Variants in HDAC4 observed in about 807,000 individuals in gnomAD.
HDAC4 encodes the protein histone deacetylase 4.
A neutral mutation model predicts 135.1 loss-of-function variants in HDAC4; 16 were observed. That is an observed-to-expected ratio of 0.12 (90% CI 0.08 to 0.18). HDAC4 has a LOEUF of 0.18. Among genes scored for constraint, HDAC4 ranks in the 10% least tolerant of loss-of-function variants. The probability of loss-of-function intolerance (pLI) is 1.00; values close to 1 mark genes in which losing one functional copy is unlikely to be tolerated. For missense variants in HDAC4, 1,143 were observed against 1,511.8 expected, an observed-to-expected ratio of 0.76 and a Z score of 4.05; for synonymous variants, 685 against 653.4, an observed-to-expected ratio of 1.05 and a Z score of -0.74.
chr2:239,382,528 G>A (rs564189660), intron 1 of HDAC4, among the ~76,000 whole-genome samples: 1 of 152,312 alleles, frequency 6.6e-6, no homozygotes, highest in South Asian at 2.1e-4. Context: ...ACCACCCAGA[G>A]TGACCCAGAT....
chr2:239,132,248 A>G (rs1474070530), intron 11 of HDAC4, among the ~76,000 whole-genome samples: 2 of 152,198 alleles, frequency 1.3e-5, no homozygotes, highest in African/African-American at 4.8e-5. Flanking sequence ...AGATGGGAAA[A>G]CAAGGCACAC....
At position 239,279,357 on chromosome 2, in the gene HDAC4, T is replaced by C. The variant is rs547036485; in HGVS notation, c.23-42693A>G. 1.1e-4 allele frequency among the ~76,000 whole-genome samples: 17 copies of C among 152,334 alleles called. No homozygotes were observed. In the South Asian group the frequency reaches 3.5e-3, roughly 32 times the overall value. ...TGGCACCAGGCACTAAATTCACACT[T>C]GATCCCCTCAGCCTTATAATAAACT... On this transcript the variant is annotated intron_variant, in intron 2 of 26. Coordinates refer to ENST00000543185, the MANE Select transcript of HDAC4 (RefSeq NM_001378414.1).
At chr2:239,224,467 G>A (rs1431738839) in intron 3 of HDAC4, among the ~76,000 whole-genome samples, 2 of 152,080 alleles carry the variant, frequency 1.3e-5, no homozygotes, top group African/African-American at 2.4e-5. Flanking sequence ...TATGTCTCCC[G>A]CACCGCCCAC....
At chr2:239,374,649 C>T (rs376350421) in intron 1 of HDAC4, among the ~76,000 whole-genome samples, 1 of 151,714 alleles carries the variant, frequency 6.6e-6, no homozygotes, top group East Asian at 1.9e-4. Context: ...GTGATCCGCC[C>T]GCCTCGGCCT....
At chr2:239,119,316 A>G (rs1201952456) in intron 12 of HDAC4, among the ~76,000 whole-genome samples, 2 of 152,160 alleles carry the variant, frequency 1.3e-5, no homozygotes, top group Non-Finnish European at 2.9e-5. Context: ...GAGGAGCAGG[A>G]GGGATTCGGG....
chr2:239,227,189 A>G (rs1360477013), intron 3 of HDAC4, among the ~76,000 whole-genome samples: 2 of 152,136 alleles, frequency 1.3e-5, no homozygotes, highest in Admixed American at 1.3e-4. Context: ...GGAGAATGAA[A>G]TATCTGCTCA....
intron 22 of HDAC4, among the ~76,000 whole-genome samples, chr2:239,069,969 C>A (rs1022639203): frequency 6.6e-6 from 1 of 152,170 alleles, no homozygotes; most frequent in Middle Eastern, 3.2e-3. Context: ...CCTCCTTGGC[C>A]CCGTGCCCAC....
intron 1 of HDAC4, among the ~76,000 whole-genome samples, chr2:239,358,948 T>C (rs1441186702): frequency 6.6e-6 from 1 of 152,238 alleles, no homozygotes; most frequent in Non-Finnish European, 1.5e-5. Flanking sequence ...TGAGTGCATT[T>C]GTAAGAGAGT....
In HDAC4 at chr2:239,299,505, C is replaced by T. The variant is rs181578243; in HGVS notation, c.22+53173G>A. The stretch of plus-strand genomic sequence containing the variant: ...GAAGAGACATGCACACGAGGCAGGG[C>T]GAGTGGTGTTTATTACAGCTGTACA... On this transcript the variant is annotated intron_variant, in intron 2 of 26. Transcript: ENST00000543185. The surrounding 1 kb of genome is among the most constrained non-coding windows in gnomAD (Gnocchi z 4.0). Among the ~76,000 whole-genome samples the T allele has an allele frequency of 6.3e-4, 95 of 150,624 alleles. No homozygotes were observed. The highest frequency in any genetic ancestry group is 2.2e-3 in the African/African-American group (88 of 40,768).
Position 239,053,489 on chromosome 2 carries a change from C to G in HDAC4, c.3201G>C (p.Leu1067=). The G allele has an allele frequency of 6.2e-7, 1 of 1,613,592 alleles. No individual in the cohort carries two copies. The highest frequency in any genetic ancestry group is 8.5e-7 in the Non-Finnish European group (1 of 1,179,870). The part of the protein sequence containing the change: ...EAETVTAMAS[L]SVGVKPAEKR... ...TTTCGGCGGGCTTCACGCCCACGGA[C>G]AGCGAGGCCATGGCGGTGACCGTCT... is the stretch of plus-strand genomic sequence containing the variant. Residue 1067 remains leucine, a synonymous_variant, in exon 26 of 27, where the codon CTG becomes CTC. Coordinates refer to ENST00000543185, the MANE Select transcript of HDAC4 (RefSeq NM_001378414.1).
chr2:239,067,286 A>G (rs2033632448), intron 23 of HDAC4, among the ~76,000 whole-genome samples: 1 of 152,136 alleles, frequency 6.6e-6, no homozygotes, highest in Non-Finnish European at 1.5e-5. Context: ...TCCCACGTCC[A>G]GGTCTGAGCG....
intron 23 of HDAC4, among the ~76,000 whole-genome samples, chr2:239,067,404 C>T (rs542126931): frequency 2.0e-4 from 31 of 152,298 alleles, no homozygotes; most frequent in African/African-American, 7.2e-4. Context: ...CAGGCCAGGC[C>T]GGTGCTGATT....
At chr2:239,078,360 G>T (rs1185215783) in intron 22 of HDAC4, among the ~76,000 whole-genome samples, 1 of 152,174 alleles carries the variant, frequency 6.6e-6, no homozygotes, top group Non-Finnish European at 1.5e-5. Context: ...GCAGGCAACG[G>T]GTCTGAATAA....
At chr2:239,253,885 C>T (rs1051914129) in intron 2 of HDAC4, among the ~76,000 whole-genome samples, 4 of 152,056 alleles carry the variant, frequency 2.6e-5, no homozygotes, top group Admixed American at 2.6e-4. Flanking sequence ...GAGAGGTGGC[C>T]ATGAGCGTGG....
chr2:239,111,657 G>T lies in HDAC4; in HGVS notation c.1847C>A (p.Ser616Tyr). The T allele has an allele frequency of 1.9e-6, 3 of 1,606,232 alleles. No homozygotes were observed. The highest frequency in any genetic ancestry group is 2.5e-6 in the Non-Finnish European group (3 of 1,177,132). Residue 616 changes from serine (S) to tyrosine (Y), a missense_variant, in exon 14 of 27, where the codon TCC becomes TAC. This residue lies in a region of HDAC4 where 196 missense variants were observed against 210.7 expected (regional missense o/e 0.93). Transcript: ENST00000543185. The part of the protein sequence containing the change: ...RIHQLRNYQA[S>Y]MEAAGIPVSF... ...CACGGGGATGCCGGCGGCCTCCATG[G>T]ACGCCTGGTAGTTCCTCAGCTGGTG...
rs143339963 is a variant in HDAC4, at chr2:239,136,668, C to T, written c.979-2025G>A. Reference sequence around the variant, plus strand: ...ACAAGGGAGCAGTATCCAGAACATGCGGGAACTCCAGCAACTCACCAGCAA... The same window carrying T: ...ACAAGGGAGCAGTATCCAGAACATGTGGGAACTCCAGCAACTCACCAGCAA... On this transcript the variant is annotated intron_variant, in intron 9 of 26. Coordinates refer to ENST00000543185, the MANE Select transcript of HDAC4 (RefSeq NM_001378414.1). Among the ~76,000 whole-genome samples the T allele has an allele frequency of 1.7e-3, 259 of 152,312 alleles. 3 individuals carry two copies. Among genetic ancestry groups the T allele is most frequent in the African/African-American group, 5.9e-3 (244 of 41,558 alleles).
chr2:239,306,765 G>A lies in HDAC4; in HGVS notation c.22+45913C>T, dbSNP rs777101993. 5.9e-5 allele frequency among the ~76,000 whole-genome samples: 9 copies of A among 152,040 alleles called. No individual in the cohort carries two copies. Among genetic ancestry groups the A allele is most frequent in the Non-Finnish European group, 8.8e-5 (6 of 68,000 alleles). ...GGGTAGGGGGTGAATGCTAAGGGGC[G>A]AAGGCAGGACCCCACCCCAGCCAAC... On this transcript the variant is annotated intron_variant, in intron 2 of 26. Coordinates refer to ENST00000543185, the MANE Select transcript of HDAC4 (RefSeq NM_001378414.1). The surrounding 1 kb of genome is among the most constrained non-coding windows in gnomAD (Gnocchi z 4.5).
chr2:239,258,693 AG>A (rs1275160297), intron 2 of HDAC4, among the ~76,000 whole-genome samples: 1 of 152,228 alleles, frequency 6.6e-6, no homozygotes, highest in Non-Finnish European at 1.5e-5. Context: ...AACAATGAAA[AG>A]GGTTTACACG....
At chr2:239,375,991 G>A (rs996068737) in intron 1 of HDAC4, among the ~76,000 whole-genome samples, 3 of 152,258 alleles carry the variant, frequency 2.0e-5, no homozygotes, top group Non-Finnish European at 2.9e-5. Context: ...GGCCAGCCTC[G>A]TCTGACTCTG....
Sources: gnomAD v4.1 joint callset for allele counts (sites outside exome capture counted in the v4.1 genomes callset) on GRCh38, gnomAD v4.1.1 for gene constraint, gnomAD v4.1.1 regional missense constraint, Gnocchi (gnomAD v3.1) non-coding constraint, MANE v1.5 for transcripts, NCBI Gene and HGNC (gene_info 2026-07-23, HGNC 2026-07-21) for gene names.